The following AIFM1 variants were observed in gnomAD, a reference collection of about 807,000 sequenced individuals.
AIFM1 encodes apoptosis-inducing factor 1, mitochondrial.
In AIFM1, 3 loss-of-function variants were observed where a neutral mutation model predicts 51.7. The ratio of observed to expected loss-of-function variants is 0.06; its 90% CI spans 0.03 to 0.15. The LOEUF is 0.15. AIFM1 is among the 10% of genes least tolerant of loss of function. The pLI, the probability that AIFM1 is intolerant of heterozygous loss-of-function variation, is 1.00. For missense variants in AIFM1, 330 were observed against 476.8 expected, an observed-to-expected ratio of 0.69 and a Z score of 2.87; for synonymous variants, 178 against 179.4, an observed-to-expected ratio of 0.99 and a Z score of 0.06.
At chrX:130,136,818 C>A (rs759655266) in intron 10 of AIFM1, 87 bp from the exon 11 acceptor site, 3 of 1,058,899 alleles carry the variant, frequency 2.8e-6, no homozygotes, top group East Asian at 3.0e-5. Flanking sequence ...GTCTCCTCCA[C>A]GGTAAAACCA....
intron 6 of AIFM1, among the ~76,000 whole-genome samples, chrX:130,141,598 G>C (rs1458335528): frequency 9.0e-5 from 10 of 111,407 alleles, no homozygotes; most frequent in Non-Finnish European, 1.9e-4. Flanking sequence ...TTGGCATTCT[G>C]CAAGCTTCTT....
At chrX:130,148,512 A>G (rs1771216695) in intron 3 of AIFM1, among the ~76,000 whole-genome samples, 1 of 111,616 alleles carries the variant, frequency 9.0e-6, no homozygotes, top group African/African-American at 3.3e-5. Flanking sequence ...AGGGGAACAA[A>G]ACAGACTAGA....
rs907702631 is a variant in AIFM1, at chrX:130,138,648, C to G, written c.912G>C (p.Thr304=). ...EKISREVKSI[T]IIGGGFLGSE... ...TACCAAGGAAGCCCCCACCGATAAT[C>G]GTAATTGATTTGACTTCCCGTGAAA... Residue 304 remains threonine, a synonymous_variant, in exon 9 of 16, where the codon ACG becomes ACC. Coordinates refer to ENST00000287295, the MANE Select transcript of AIFM1 (RefSeq NM_004208.4). The G allele has an allele frequency of 8.3e-7, 1 of 1,208,788 alleles. No homozygotes were observed. The highest frequency in any genetic ancestry group is 1.8e-5 in the South Asian group (1 of 56,768).
At chrX:130,131,996 C>T (rs2030106909) in intron 13 of AIFM1, among the ~76,000 whole-genome samples, 197 bp from the exon 14 acceptor site, 1 of 111,366 alleles carries the variant, frequency 9.0e-6, no homozygotes, top group South Asian at 3.8e-4. Flanking sequence ...CCTCAGCCTC[C>T]TGAGTAGCTG....
At chrX:130,149,444 T>A (rs1235939050) in intron 3 of AIFM1, 25 bp downstream of exon 3, 1 of 1,154,266 alleles carries the variant, frequency 8.7e-7, no homozygotes, top group African/African-American at 1.8e-5. Flanking sequence ...TCTCAAATCA[T>A]AGCAAGACTT....
intron 1 of AIFM1, among the ~76,000 whole-genome samples, chrX:130,162,878 T>C (rs1002562267): frequency 4.5e-5 from 5 of 111,954 alleles, no homozygotes; most frequent in Non-Finnish European, 9.4e-5. Context: ...AATGCAGACA[T>C]AGAGTGATGA....
At chrX:130,140,099 C>T (rs914130046) in intron 7 of AIFM1, among the ~76,000 whole-genome samples, 1 of 112,323 alleles carries the variant, frequency 8.9e-6, no homozygotes, top group Admixed American at 9.4e-5. Context: ...TACACCCTGC[C>T]CCTAGGTGGC....
At chrX:130,137,613 C>T (rs2030400664) in intron 9 of AIFM1, 1 of 1,130,063 alleles carries the variant, frequency 8.8e-7, no homozygotes, top group Non-Finnish European at 1.2e-6. Context: ...ATCATGTGCC[C>T]AAAGAAGTTT....
chrX:130,139,363 C>A (rs2030494876), intron 8 of AIFM1, among the ~76,000 whole-genome samples: 2 of 109,809 alleles, frequency 1.8e-5, no homozygotes, highest in Non-Finnish European at 3.8e-5. Flanking sequence ...CAAATCTTAT[C>A]CCTGAAAAAT....
chrX:130,161,607 G>GC (rs1262594842), intron 1 of AIFM1, among the ~76,000 whole-genome samples: 6 of 106,080 alleles, frequency 5.7e-5, no homozygotes, highest in African/African-American at 2.1e-4. Context: ...CTATTTATCA[G>GC]CCTTTTTTTT....
At position 130,136,634 on chromosome X, in the gene AIFM1, C is replaced by T. The variant is rs200324824; in HGVS notation, c.1164+9G>A. 2.5e-6 allele frequency: 3 copies of T among 1,204,175 alleles called. No individual in the cohort carries two copies. The African/African-American group carries it at 5.3e-5, about 21-fold the overall frequency. On this transcript the variant is annotated intron_variant, in intron 11 of 15. Coordinates refer to ENST00000287295, the MANE Select transcript of AIFM1 (RefSeq NM_004208.4). ...AGGCCTCTTGGCAGACTATCTTTTC[C>T]TTCCTTACCTTCCTGCCGTCTTTCA...
At chrX:130,132,987 C>T (rs368792406) in intron 13 of AIFM1, among the ~76,000 whole-genome samples, 5 of 111,250 alleles carry the variant, frequency 4.5e-5, no homozygotes, top group African/African-American at 1.6e-4. Flanking sequence ...CCTCGTGATC[C>T]GCCCACCTCG....
chrX:130,158,132 C>T (rs1039291960), intron 1 of AIFM1, among the ~76,000 whole-genome samples: 5 of 99,153 alleles, frequency 5.0e-5, no homozygotes, highest in African/African-American at 1.9e-4. Context: ...GGCGTGGTGG[C>T]TTATGCCTAT....
chrX:130,155,345 T>C lies in AIFM1; in HGVS notation c.249+1116A>G, dbSNP rs766684442. 3.1e-5 allele frequency: 36 copies of C among 1,169,350 alleles called. No individual in the cohort carries two copies. In the South Asian group the frequency reaches 4.8e-4, roughly 16 times the overall value. On this transcript the variant is annotated intron_variant, in intron 2 of 15. Coordinates refer to ENST00000287295, the MANE Select transcript of AIFM1 (RefSeq NM_004208.4). The stretch of plus-strand genomic sequence containing the variant: ...AAGGAAACAGAGTACTAAGTATTAA[T>C]GAAGAAACATTCAATACAAAGGCAG...
chrX:130,159,451 A>T (rs1045539642), intron 1 of AIFM1, among the ~76,000 whole-genome samples: 2 of 111,921 alleles, frequency 1.8e-5, no homozygotes, highest in African/African-American at 6.5e-5. Context: ...TGATTTTCAG[A>T]AGCTTACAAA....
intron 2 of AIFM1, among the ~76,000 whole-genome samples, chrX:130,151,451 T>C (rs2030976459): frequency 9.0e-6 from 1 of 111,376 alleles, no homozygotes; most frequent in South Asian, 3.8e-4. Flanking sequence ...ATAAAACATA[T>C]TCTAAGAATA....
At chrX:130,158,656 T>C (rs2031246468) in intron 1 of AIFM1, among the ~76,000 whole-genome samples, 1 of 95,533 alleles carries the variant, frequency 1.0e-5, no homozygotes, top group Non-Finnish European at 2.0e-5. Context: ...AGAAGAATTG[T>C]CCTGGGCCAC....
chrX:130,157,738 G>A (rs952450965), intron 1 of AIFM1, among the ~76,000 whole-genome samples: 42 of 109,889 alleles, frequency 3.8e-4, no homozygotes, highest in Non-Finnish European at 3.8e-5. Context: ...AGGCCTAGGT[G>A]GGCAGATCAC....
At chrX:130,151,254 C>T (rs1344699158) in intron 2 of AIFM1, among the ~76,000 whole-genome samples, 2 of 109,191 alleles carry the variant, frequency 1.8e-5, no homozygotes, top group African/African-American at 6.7e-5. Flanking sequence ...GATTCTGCTG[C>T]CTCAGCCTCC....
Sources: allele counts gnomAD v4.1 joint callset (sites outside exome capture counted in the v4.1 genomes callset), GRCh38; gene constraint gnomAD v4.1.1; transcripts MANE v1.5; gene names NCBI Gene and HGNC (gene_info 2026-07-23, HGNC 2026-07-21).